Variants in TMEM254 observed in about 807,000 individuals in gnomAD.
The protein encoded by TMEM254 is transmembrane protein 254.
In TMEM254, 16 loss-of-function variants were observed where a neutral mutation model predicts 13.9. The observed-to-expected ratio is 1.15, with a 90% CI of 0.78 to 1.75. The LOEUF (loss-of-function observed/expected upper bound fraction) is 1.75, where lower values mean the gene tolerates loss of function less well. Among genes scored for constraint, TMEM254 ranks in the 40% most tolerant of loss-of-function variants. The probability of loss-of-function intolerance (pLI) is 0.00; values close to 1 mark genes in which losing one functional copy is unlikely to be tolerated. For synonymous variants in TMEM254, 61 were observed against 56.4 expected, an observed-to-expected ratio of 1.08 and a Z score of -0.36; for missense variants, 155 against 149.0, an observed-to-expected ratio of 1.04 and a Z score of -0.21.
intron 3 of TMEM254, among the ~76,000 whole-genome samples, chr10:80,088,966 C>T (rs749999852): frequency 6.6e-6 from 1 of 150,596 alleles, no homozygotes. Flanking sequence ...GACTGGAGTT[C>T]AGTGGCATGA....
chr10:80,080,267 A>G (rs1016460287), intron 1 of TMEM254, among the ~76,000 whole-genome samples: 2 of 152,230 alleles, frequency 1.3e-5, no homozygotes, highest in African/African-American at 4.8e-5. Context: ...CAGATGTGAA[A>G]CAACATCGTG....
chr10:80,086,993 G>T (rs1202999761), intron 3 of TMEM254, among the ~76,000 whole-genome samples: 1 of 151,474 alleles, frequency 6.6e-6, no homozygotes, highest in African/African-American at 2.4e-5. Context: ...TTAAGAGATG[G>T]GTCTCACTCT....
chr10:80,086,458 A>G (rs551049260), intron 3 of TMEM254: 19 of 334,182 alleles, frequency 5.7e-5, no homozygotes, highest in African/African-American at 4.5e-4. Context: ...TTTACTTTCC[A>G]AAACAAAATA....
chr10:80,086,952 T>C (rs1844347146), intron 3 of TMEM254, among the ~76,000 whole-genome samples: 1 of 152,124 alleles, frequency 6.6e-6, no homozygotes, highest in Non-Finnish European at 1.5e-5. Flanking sequence ...TCCATTGTTA[T>C]ATATGCCTGT....
At chr10:80,082,065 TC>T in intron 2 of TMEM254, 79 bp from the exon 3 acceptor site, 1 of 1,588,242 alleles carries the variant, frequency 6.3e-7, no homozygotes. Flanking sequence ...AAGGCACTTT[TC>T]TTTTTGAGAT....
chr10:80,086,113 A>C, intron 3 of TMEM254: 1 of 544,922 alleles, frequency 1.8e-6, no homozygotes, highest in Non-Finnish European at 3.0e-6. Context: ...TTCTTAAGGC[A>C]GGAAAAAGTG....
chr10:80,081,680 G>T, intron 1 of TMEM254, 161 bp from the exon 2 acceptor site: 1 of 1,567,620 alleles, frequency 6.4e-7, no homozygotes, highest in Non-Finnish European at 8.7e-7. Context: ...AAAAAAGAAA[G>T]AAAGAAAATA....
intron 3 of TMEM254, chr10:80,090,495 C>T (rs1441148389): frequency 4.2e-6 from 3 of 713,900 alleles, no homozygotes; most frequent in African/African-American, 1.7e-5. Context: ...GAAACCATAC[C>T]AGTGCTTTTT....
At chr10:80,087,848 G>C (rs772052289) in intron 3 of TMEM254, among the ~76,000 whole-genome samples, 7 of 151,994 alleles carry the variant, frequency 4.6e-5, no homozygotes, top group Non-Finnish European at 8.8e-5. Flanking sequence ...TTATGATCTT[G>C]AGTACTTTGT....
rs182102329 is a variant in TMEM254 at position 80,091,280 on chromosome 10, A to C, written c.*363A>C. On this transcript the variant is annotated 3_prime_UTR_variant, in exon 4 of 4. Transcript: ENST00000372281. ...TACCCTTGCTCCCGCCTTCTGATGA[A>C]AACACCTTACCCTCACAACCACCAT... 6.2e-6 allele frequency: 1 copy of C among 162,200 alleles called. No homozygotes were observed. Among genetic ancestry groups the C allele is most frequent in the Admixed American group, 6.3e-5 (1 of 15,850 alleles). The allele number at this position is 162,200 out of a possible 1,614,324, so 10.0% of individuals were successfully genotyped here.
At chr10:80,089,611 G>C (rs1589389698) in intron 3 of TMEM254, among the ~76,000 whole-genome samples, 1 of 152,268 alleles carries the variant, frequency 6.6e-6, no homozygotes, top group East Asian at 1.9e-4. Context: ...CCAGGAGTTT[G>C]AGGCTGCAGT....
At chr10:80,081,666 A>C in intron 1 of TMEM254, 175 bp from the exon 2 acceptor site, 1 of 1,281,000 alleles carries the variant, frequency 7.8e-7, no homozygotes, top group Non-Finnish European at 1.0e-6. Context: ...AGACCCTGTC[A>C]AAAAAAAAAG....
At chr10:80,080,172 A>G (rs916471876) in intron 1 of TMEM254, among the ~76,000 whole-genome samples, 1 of 152,192 alleles carries the variant, frequency 6.6e-6, no homozygotes, top group African/African-American at 2.4e-5. Context: ...GGGGACTTCA[A>G]ATTGGGATCT....
rs369824129 is a variant in TMEM254, at chr10:80,090,768, G to A, written c.252-29G>A. On this transcript the variant is annotated intron_variant, in intron 3 of 3. Coordinates refer to ENST00000372281, the MANE Select transcript of TMEM254 (RefSeq NM_025125.4). ...CATGAAACTGTAAGATTAACATCTC[G>A]TGTTTAAATTTTGTTTTTTCTGTTT... 2.0e-5 allele frequency: 32 copies of A among 1,600,248 alleles called. 1 individual carries two copies. Among genetic ancestry groups the A allele is most frequent in the South Asian group, 1.9e-4 (17 of 87,870 alleles).
At position 80,082,135 on chromosome 10, in the gene TMEM254, T is replaced by A. The variant is rs1844067907; in HGVS notation, c.192-10T>A. On this transcript the variant is annotated splice_polypyrimidine_tract_variant and intron_variant, in intron 2 of 3. Coordinates refer to ENST00000372281, the MANE Select transcript of TMEM254 (RefSeq NM_025125.4). Reference sequence around the variant, plus strand: ...ACCTTAAAAAAGATTAACCTTTTTTTTGGTTTCAGGTATTGGCTTGCCTGG... The same window carrying A: ...ACCTTAAAAAAGATTAACCTTTTTTATGGTTTCAGGTATTGGCTTGCCTGG... 6.2e-7 allele frequency: 1 copy of A among 1,614,006 alleles called. No individual in the cohort carries two copies.
chr10:80,090,565 GTAGCCAGAC>G (rs1249162850), intron 3 of TMEM254: 1 of 634,652 alleles, frequency 1.6e-6, no homozygotes, highest in Non-Finnish European at 2.9e-6. Context: ...GCCCTAGACA[GTAGCCAGAC>G]TAGTTCTCAG....
intron 3 of TMEM254, 35 bp downstream of exon 3, chr10:80,082,239 C>G: frequency 6.2e-7 from 1 of 1,609,500 alleles, no homozygotes; most frequent in South Asian, 1.1e-5. Flanking sequence ...TTGCCTTTCT[C>G]TTAGTAGCTA....
At chr10:80,084,857 C>T (rs899805923) in intron 3 of TMEM254, among the ~76,000 whole-genome samples, 10 of 151,900 alleles carry the variant, frequency 6.6e-5, no homozygotes, top group South Asian at 2.1e-4. Context: ...GACGGAGTTT[C>T]GCTCTGTCGC....
In TMEM254 at chr10:80,088,060, A is replaced by G. The variant is rs532328564; in HGVS notation, c.252-2737A>G. ...GTCTACTTAGATCTTATTTTTTTTT[A>G]AGATCTTTACCTTTTCCATCTGGAT... On this transcript the variant is annotated intron_variant, in intron 3 of 3. Coordinates refer to ENST00000372281, the MANE Select transcript of TMEM254 (RefSeq NM_025125.4). Among the ~76,000 whole-genome samples, 17 of 151,806 alleles carry G rather than the reference A, an allele frequency of 1.1e-4. No individual in the cohort carries two copies. The South Asian group carries it at 2.3e-3, about 20-fold the overall frequency.
Sources: allele counts gnomAD v4.1 joint callset (sites outside exome capture counted in the v4.1 genomes callset), GRCh38; gene constraint gnomAD v4.1.1; transcripts MANE v1.5; gene names NCBI Gene and HGNC (gene_info 2026-07-23, HGNC 2026-07-21).